Variants in CADPS observed in about 807,000 individuals in gnomAD.
The protein encoded by CADPS is calcium-dependent secretion activator 1.
In CADPS, 57 loss-of-function variants were observed where a neutral mutation model predicts 167.3. The ratio of observed to expected loss-of-function variants is 0.34; its 90% CI spans 0.28 to 0.42. The LOEUF (loss-of-function observed/expected upper bound fraction) is 0.42, where lower values mean the gene tolerates loss of function less well. CADPS is among the 20% of genes least tolerant of loss of function. The pLI is 1.00. For missense variants in CADPS, 1,414 were observed against 1,738.1 expected (o/e 0.81, Z 3.32); for synonymous variants, 676 against 635.3 (o/e 1.06, Z -0.96).
chr3:62,718,623 C>T (rs892281650), intron 3 of CADPS, among the ~76,000 whole-genome samples: 2 of 152,096 alleles, frequency 1.3e-5, no homozygotes, highest in South Asian at 2.1e-4. Context: ...GGGGTGGGCT[C>T]AGTAGGTTGA....
intron 21 of CADPS, among the ~76,000 whole-genome samples, chr3:62,489,764 C>T (rs917241704): frequency 8.5e-5 from 13 of 152,056 alleles, no homozygotes; most frequent in East Asian, 3.9e-4. Flanking sequence ...TATTTTAAAA[C>T]GTAAATATTA....
At chr3:62,851,107 T>G (rs951523061) in intron 1 of CADPS, among the ~76,000 whole-genome samples, 28 of 123,130 alleles carry the variant, frequency 2.3e-4, no homozygotes, top group African/African-American at 7.7e-4. Context: ...CCCTGCCTTT[T>G]TTTGTTTTCC....
At chr3:62,557,226 A>G (rs1174597514) in intron 10 of CADPS, among the ~76,000 whole-genome samples, 179 bp downstream of exon 10, 1 of 152,134 alleles carries the variant, frequency 6.6e-6, no homozygotes, top group Non-Finnish European at 1.5e-5. Context: ...ATGGCATTTA[A>G]CCAACCGGGA....
At chr3:62,415,584 A>G (rs2049907795) in intron 28 of CADPS, among the ~76,000 whole-genome samples, 1 of 152,210 alleles carries the variant, frequency 6.6e-6, no homozygotes, top group African/African-American at 2.4e-5. Flanking sequence ...AGAGGAGGAC[A>G]AAACCAGGAA....
At chr3:62,830,355 C>T (rs936631421) in intron 1 of CADPS, among the ~76,000 whole-genome samples, 6 of 152,216 alleles carry the variant, frequency 3.9e-5, no homozygotes, top group African/African-American at 1.4e-4. Flanking sequence ...AGAAAATTTA[C>T]CCCCATCTGA....
rs117174503 is a variant in CADPS at position 62,609,014 on chromosome 3, C to T, written c.1326-16266G>A. 2.1e-3 allele frequency among the ~76,000 whole-genome samples: 317 copies of T among 152,244 alleles called. 4 individuals carry two copies. The East Asian group carries it at 0.04, about 19-fold the overall frequency. On this transcript the variant is annotated intron_variant, in intron 6 of 29. Coordinates refer to ENST00000383710, the MANE Select transcript of CADPS (RefSeq NM_003716.4). Reference sequence around the variant, plus strand: ...TATCTCAGTCCCAAGGAGACATAGACGTAAGCGAGGGTAGGTTCAACCAAG... The same window carrying T: ...TATCTCAGTCCCAAGGAGACATAGATGTAAGCGAGGGTAGGTTCAACCAAG...
At chr3:62,498,180 A>G (rs1219847443) in intron 18 of CADPS, 3 of 456,650 alleles carry the variant, frequency 6.6e-6, no homozygotes, top group Middle Eastern at 3.3e-4. Flanking sequence ...AAGATTGAAT[A>G]AAATAGTAGA....
At chr3:62,632,959 A>G in intron 6 of CADPS, among the ~76,000 whole-genome samples, 1 of 152,034 alleles carries the variant, frequency 6.6e-6, no homozygotes, top group Admixed American at 6.6e-5. Flanking sequence ...CACTACCCAC[A>G]TGGTTGTGAG....
At chr3:62,456,254 A>T (rs2058672411) in intron 26 of CADPS, among the ~76,000 whole-genome samples, 1 of 152,226 alleles carries the variant, frequency 6.6e-6, no homozygotes, top group African/African-American at 2.4e-5. Context: ...AACCATCTGT[A>T]TTATAGTTAC....
chr3:62,599,076 G>A (rs1389466751), intron 6 of CADPS, among the ~76,000 whole-genome samples: 1 of 152,004 alleles, frequency 6.6e-6, no homozygotes, highest in Non-Finnish European at 1.5e-5. Flanking sequence ...AACTGATTGT[G>A]GCTATTAAGA....
chr3:62,733,071 A>G lies in CADPS; in HGVS notation c.888+20370T>C, dbSNP rs550385851. Among the ~76,000 whole-genome samples, 9 of 152,340 alleles carry G rather than the reference A, an allele frequency of 5.9e-5. No individual in the cohort carries two copies. In the South Asian group the frequency reaches 1.9e-3, roughly 32 times the overall value. Reference sequence around the variant, plus strand: ...ATTTCTTGCAAATGTAAACTAGGCAATGGGTTAATCAGAGTTCTGTGACAA... The same window carrying G: ...ATTTCTTGCAAATGTAAACTAGGCAGTGGGTTAATCAGAGTTCTGTGACAA... On this transcript the variant is annotated intron_variant, in intron 3 of 29. Transcript: ENST00000383710.
At chr3:62,771,758 A>G (rs534320302) in intron 1 of CADPS, among the ~76,000 whole-genome samples, 7 of 152,240 alleles carry the variant, frequency 4.6e-5, no homozygotes, top group Non-Finnish European at 7.3e-5. Context: ...AGCGTTTGCT[A>G]GAACTATTCA....
intron 1 of CADPS, among the ~76,000 whole-genome samples, chr3:62,859,350 G>A (rs145128216): frequency 7.9e-4 from 120 of 152,192 alleles, no homozygotes; most frequent in Non-Finnish European, 1.3e-3. Flanking sequence ...AAATGGAGGC[G>A]GGAACAAGTG....
chr3:62,426,027 T>C (rs190399979), intron 28 of CADPS, among the ~76,000 whole-genome samples: 32 of 152,352 alleles, frequency 2.1e-4, no homozygotes, highest in African/African-American at 6.3e-4. Context: ...TGCTACTTGC[T>C]ATCATGTTTT....
chr3:62,437,584 G>GT (rs936870011), intron 28 of CADPS, among the ~76,000 whole-genome samples: 1 of 152,070 alleles, frequency 6.6e-6, no homozygotes, highest in African/African-American at 2.4e-5. Flanking sequence ...CAACTCTAAT[G>GT]TAAGTGTTTG....
chr3:62,868,922 T>C (rs377540895), intron 1 of CADPS, among the ~76,000 whole-genome samples: 91 of 152,268 alleles, frequency 6.0e-4, no homozygotes, highest in African/African-American at 2.0e-3. Context: ...TTAGAAATTA[T>C]CCCAGAGTCT....
intron 26 of CADPS, among the ~76,000 whole-genome samples, chr3:62,461,473 G>A (rs906401377): frequency 3.3e-5 from 5 of 152,030 alleles, no homozygotes; most frequent in Admixed American, 2.0e-4. Context: ...TGAGCTCTCC[G>A]GTATATCATA....
intron 28 of CADPS, among the ~76,000 whole-genome samples, chr3:62,419,836 G>T (rs949056456): frequency 6.6e-6 from 1 of 152,066 alleles, no homozygotes; most frequent in South Asian, 2.1e-4. Context: ...TGTACAGAAC[G>T]GAAAGATAAA....
At chr3:62,402,245 G>T (rs1056141177) in intron 29 of CADPS, among the ~76,000 whole-genome samples, 8 of 135,972 alleles carry the variant, frequency 5.9e-5, no homozygotes, top group Non-Finnish European at 9.6e-5. Flanking sequence ...GGGGCGGGGG[G>T]GGGGGGTGCC....
Sources: allele counts gnomAD v4.1 joint callset (sites outside exome capture counted in the v4.1 genomes callset), GRCh38; gene constraint gnomAD v4.1.1; transcripts MANE v1.5; gene names NCBI Gene and HGNC (gene_info 2026-07-23, HGNC 2026-07-21).